CMA1: variants seen among roughly 807,000 people sequenced by gnomAD.
The protein encoded by CMA1 is chymase 1.
Under a neutral mutation model 18.8 loss-of-function variants are expected in CMA1, and 24 were observed. The observed-to-expected ratio is 1.28, with a 90% CI of 0.92 to 1.80. The LOEUF (loss-of-function observed/expected upper bound fraction) is 1.80. Among genes scored for constraint, CMA1 ranks in the 40% most tolerant of loss-of-function variants. CMA1 has a pLI of 0.00. For synonymous variants in CMA1, 152 were observed against 117.0 expected, an observed-to-expected ratio of 1.30 and a Z score of -1.93; for missense variants, 421 against 302.8, an observed-to-expected ratio of 1.39 and a Z score of -2.90.
rs933238215 is a variant in CMA1, at chr14:24,506,130, C to T, written c.498G>A (p.Lys166=). Residue 166 remains lysine, a synonymous_variant, in exon 4 of 5, where the codon AAG becomes AAA. Coordinates refer to ENST00000250378, the MANE Select transcript of CMA1 (RefSeq NM_001836.5). The part of the protein sequence containing the change: ...KPGSDTLQEV[K]LRLMDPQACS... ...AGGCCTGGGGATCCATGAGTCTCAG[C>T]TTCACCTCTTGCAGAGTGTCTGAGC... The T allele has an allele frequency of 6.2e-7, 1 of 1,614,208 alleles. No homozygotes were observed. Among genetic ancestry groups the T allele is most frequent in the African/African-American group, 1.3e-5 (1 of 75,054 alleles).
rs763151685 is a variant in CMA1 at position 24,505,641 on chromosome 14, G to T, written c.619C>A (p.Leu207Ile). ...CCCTGGGCCACCCCAGCACACAGAA[G>T]AGGGCCCCCAGAGTCTCCCTGTAGG... ...SAFKGDSGGP[L>I]LCAGVAQGIV... The change falls in exon 5 of 5, where the codon CTT (leucine) becomes ATT (isoleucine). Residue 207 changes from leucine to isoleucine, a missense_variant. Physicochemically the swap from Leu to Ile is conservative, Grantham distance 5 (BLOSUM62 2). Coordinates refer to ENST00000250378, the MANE Select transcript of CMA1 (RefSeq NM_001836.5). 29 of 1,612,438 alleles carry T rather than the reference G, an allele frequency of 1.8e-5. 2 individuals are homozygous for T. In the South Asian group the frequency reaches 2.9e-4, roughly 16 times the overall value.
chr14:24,505,481 C>A lies in CMA1; in HGVS notation c.*35G>T. 1.9e-6 allele frequency: 3 copies of A among 1,613,768 alleles called. No individual in the cohort carries two copies. The highest frequency in any genetic ancestry group is 2.5e-6 in the Non-Finnish European group (3 of 1,179,958). Reference sequence around the variant, plus strand: ...CACACTTTGCTGCTCAGGTCCAGTTCCAGCTTCCCTTTCAGGCTGGCTCAG... The same window carrying A: ...CACACTTTGCTGCTCAGGTCCAGTTACAGCTTCCCTTTCAGGCTGGCTCAG... On this transcript the variant is annotated 3_prime_UTR_variant, in exon 5 of 5. Coordinates refer to ENST00000250378, the MANE Select transcript of CMA1 (RefSeq NM_001836.5).
rs202117854 is a variant in CMA1 at position 24,506,065 on chromosome 14, C to A, written c.563G>T (p.Cys188Phe). 64 of 1,614,084 alleles carry A rather than the reference C, an allele frequency of 4.0e-5. No individual in the cohort carries two copies. The Admixed American group carries it at 1.0e-3, about 26-fold the overall frequency. ...TTTTGTCTTCCTGGGATTGCCCACA[C>A]ACAGCTGAAGATTGTGGTCAAAGTC... ...FRDFDHNLQL[C>F]VGNPRKTKSA... Residue 188 changes from cysteine to phenylalanine, a missense_variant, in exon 4 of 5, where the codon TGT becomes TTT. Cys to Phe is a radical substitution (Grantham distance 205). Coordinates refer to ENST00000250378, the MANE Select transcript of CMA1 (RefSeq NM_001836.5).
chr14:24,506,195 G>T lies in CMA1; in HGVS notation c.433C>A (p.Arg145=). 1.9e-6 allele frequency: 3 copies of T among 1,614,152 alleles called. No individual in the cohort carries two copies. Among genetic ancestry groups the T allele is most frequent in the African/African-American group, 2.7e-5 (2 of 75,024 alleles). The change falls in exon 4 of 5, where the codon CGG becomes AGG. Residue 145 remains arginine, a synonymous_variant. Coordinates refer to ENST00000250378, the MANE Select transcript of CMA1 (RefSeq NM_001836.5). ...FNFVPPGRMC[R]VAGWGRTGVL... is the part of the protein sequence containing the mutation. ...CCTGTTCTTCCCCAGCCAGCCACCC[G>T]GCACATTCTCCCAGGTGGGACAAAG...
chr14:24,507,013 C>T (rs990414896), intron 2 of CMA1, among the ~76,000 whole-genome samples: 4 of 152,114 alleles, frequency 2.6e-5, no homozygotes, highest in Admixed American at 6.6e-5. Flanking sequence ...GAACTAGAGG[C>T]CAGTGTTCTT....
Position 24,505,589 on chromosome 14 carries a change from G to A in CMA1, c.671C>T (p.Ala224Val), listed in dbSNP as rs1594786166. Residue 224 changes from alanine to valine, a missense_variant, in exon 5 of 5, where the codon GCA becomes GTA. By Grantham distance (64) the Ala-to-Val change is moderately conservative. Coordinates refer to ENST00000250378, the MANE Select transcript of CMA1 (RefSeq NM_001836.5). ...QGIVSYGRSD[A>V]KPPAVFTRIS... Reference sequence around the variant, plus strand: ...TCGGGTGAAGACAGCAGGGGGCTTTGCATCCGACCGTCCATAGGATACGAT... The same window carrying A: ...TCGGGTGAAGACAGCAGGGGGCTTTACATCCGACCGTCCATAGGATACGAT... The A allele has an allele frequency of 1.9e-6, 3 of 1,614,014 alleles. No homozygotes were observed. The highest frequency in any genetic ancestry group is 2.5e-6 in the Non-Finnish European group (3 of 1,180,004).
At position 24,506,167 on chromosome 14, in the gene CMA1, A is replaced by C; in HGVS notation, c.461T>G (p.Val154Gly). 6.2e-7 allele frequency: 1 copy of C among 1,614,146 alleles called. No individual in the cohort carries two copies. Residue 154 changes from valine (V) to glycine (G), a missense_variant, in exon 4 of 5, where the codon GTG becomes GGG. By Grantham distance (109) the Val-to-Gly change is moderately radical. Transcript: ENST00000250378. ...CAGAGTGTCTGAGCCCGGCTTCAAC[A>C]CACCTGTTCTTCCCCAGCCAGCCAC... ...CRVAGWGRTGVLKPGSDTLQE... is the reference protein window; with the variant it reads ...CRVAGWGRTGGLKPGSDTLQE...
At position 24,505,393 on chromosome 14, in the gene CMA1, A is replaced by G. The variant is rs897944929; in HGVS notation, c.*123T>C. On this transcript the variant is annotated 3_prime_UTR_variant, in exon 5 of 5. Coordinates refer to ENST00000250378, the MANE Select transcript of CMA1 (RefSeq NM_001836.5). ...GTTTATTGAGAGTTCTGTGACCTGTAGGATACTTCTGGAGGCTTAGGGTTG... is the reference window on the plus strand; with the variant it reads ...GTTTATTGAGAGTTCTGTGACCTGTGGGATACTTCTGGAGGCTTAGGGTTG... 29 of 1,254,458 alleles carry G rather than the reference A, an allele frequency of 2.3e-5. No individual in the cohort carries two copies. Among genetic ancestry groups the G allele is most frequent in the Non-Finnish European group, 3.1e-5 (27 of 867,598 alleles). The allele number at this position is 1,254,458 out of a possible 1,614,324, so 77.7% of individuals were successfully genotyped here. A position where few individuals can be genotyped will look rare whatever the true frequency, so the allele number is the denominator to read the frequency against.
In CMA1 at chr14:24,505,611, C is replaced by G. The variant is rs143164371; in HGVS notation, c.649G>C (p.Val217Leu). ...LLCAGVAQGI[V>L]SYGRSDAKPP... ...TTTGCATCCGACCGTCCATAGGATA[C>G]GATGCCCTGGGCCACCCCAGCACAC... is the stretch of plus-strand genomic sequence containing the variant. Residue 217 changes from valine to leucine, a missense_variant, in exon 5 of 5, where the codon GTA becomes CTA. Physicochemically the swap from Val to Leu is conservative, Grantham distance 32 (BLOSUM62 1). Coordinates refer to ENST00000250378, the MANE Select transcript of CMA1 (RefSeq NM_001836.5). 26 of 1,613,798 alleles carry G rather than the reference C, an allele frequency of 1.6e-5. No individual in the cohort carries two copies. The South Asian group carries it at 2.6e-4, about 16-fold the overall frequency.
rs760627071 is a variant in CMA1, at chr14:24,505,647, C to A, written c.613G>T (p.Gly205Cys). 2 of 1,610,774 alleles carry A rather than the reference C, an allele frequency of 1.2e-6. No homozygotes were observed. Among genetic ancestry groups the A allele is most frequent in the Non-Finnish European group, 1.7e-6 (2 of 1,178,622 alleles). The change falls in exon 5 of 5, where the codon GGC becomes TGC. Residue 205 changes from glycine to cysteine, a missense_variant. Gly to Cys is a radical substitution (Grantham distance 159, BLOSUM62 -3). Coordinates refer to ENST00000250378, the MANE Select transcript of CMA1 (RefSeq NM_001836.5). Reference sequence around the variant, plus strand: ...GCCACCCCAGCACACAGAAGAGGGCCCCCAGAGTCTCCCTGTAGGGGGAGG... The same window carrying A: ...GCCACCCCAGCACACAGAAGAGGGCACCCAGAGTCTCCCTGTAGGGGGAGG... The part of the protein sequence containing the change: ...TKSAFKGDSG[G>C]PLLCAGVAQG...
Position 24,508,227 on chromosome 14 carries a change from A to C in CMA1, c.9T>G (p.Leu3=). 6.2e-7 allele frequency: 1 copy of C among 1,613,684 alleles called. No homozygotes were observed. The highest frequency in any genetic ancestry group is 1.1e-5 in the South Asian group (1 of 90,922). The change falls in exon 1 of 5, where the codon CTT becomes CTG. Residue 3 remains leucine (L), a synonymous_variant. Transcript: ENST00000250378. ...GAAAGAGCAGCAGGGGGAGAGGAAG[A>C]AGCAGCATCTTCCCAGAGAGGCTGC... ML[L]LPLPLLLFLL... is the part of the protein sequence containing the mutation.
Position 24,505,782 on chromosome 14 carries a change from A to G in CMA1, c.601-123T>C, listed in dbSNP as rs778329149. On this transcript the variant is annotated intron_variant, in intron 4 of 4. Transcript: ENST00000250378. ...GCAGGAGGTGGAGCTCCTCACTTAT[A>G]CATCTAGTTCTGATGCCCCTTCTTC... 5 of 1,278,464 alleles carry G rather than the reference A, an allele frequency of 3.9e-6. No individual in the cohort carries two copies. In the South Asian group the frequency reaches 4.4e-5, roughly 11 times the overall value. The allele number at this position is 1,278,464 out of a possible 1,614,324, so 79.2% of individuals were successfully genotyped here.
chr14:24,507,288 G>T, intron 2 of CMA1, 68 bp downstream of exon 2: 1 of 1,574,876 alleles, frequency 6.3e-7, no homozygotes, highest in South Asian at 1.1e-5. Flanking sequence ...CCCAGTGCAG[G>T]TGTATTCCTG....
In CMA1 at chr14:24,506,184, G is replaced by C; in HGVS notation, c.444C>G (p.Gly148=). The change falls in exon 4 of 5, where the codon GGC becomes GGG. Residue 148 remains glycine, a synonymous_variant. Transcript: ENST00000250378. ...VPPGRMCRVA[G]WGRTGVLKPG... ...GCTTCAACACACCTGTTCTTCCCCA[G>C]CCAGCCACCCGGCACATTCTCCCAG... 1.2e-6 allele frequency: 2 copies of C among 1,614,162 alleles called. No individual in the cohort carries two copies. Among genetic ancestry groups the C allele is most frequent in the Non-Finnish European group, 1.7e-6 (2 of 1,180,034 alleles).
rs1462507754 is a variant in CMA1 at position 24,506,038 on chromosome 14, G to T, written c.590C>A (p.Ser197Tyr). 6.2e-7 allele frequency: 1 copy of T among 1,614,028 alleles called. No homozygotes were observed. The highest frequency in any genetic ancestry group is 8.5e-7 in the Non-Finnish European group (1 of 1,180,004). Residue 197 changes from serine to tyrosine, a missense_variant, in exon 4 of 5, where the codon TCT becomes TAT. Transcript: ENST00000250378. ...TAGTTGGAGGATCACCTTAAATGCA[G>T]ATTTTGTCTTCCTGGGATTGCCCAC... ...LCVGNPRKTK[S>Y]AFKGDSGGPL... is the part of the protein sequence containing the mutation.
intron 2 of CMA1, 44 bp from the exon 3 acceptor site, chr14:24,506,648 T>C (rs2043860086): frequency 1.2e-6 from 2 of 1,607,262 alleles, no homozygotes; most frequent in Non-Finnish European, 8.5e-7. Flanking sequence ...CAGTGATGGC[T>C]TGGGGTTTCT....
chr14:24,505,725 G>A, intron 4 of CMA1, 66 bp from the exon 5 acceptor site: 2 of 1,536,472 alleles, frequency 1.3e-6, no homozygotes, highest in Non-Finnish European at 1.7e-6. Context: ...CTGCCAGCCA[G>A]CTTGGAGTCA....
Position 24,505,421 on chromosome 14 carries a change from G to A in CMA1, c.*95C>T, listed in dbSNP as rs1030268531. 1.3e-6 allele frequency: 2 copies of A among 1,527,462 alleles called. No individual in the cohort carries two copies. Among genetic ancestry groups the A allele is most frequent in the Non-Finnish European group, 1.8e-6 (2 of 1,104,666 alleles). The allele number at this position is 1,527,462 out of a possible 1,614,324, so 94.6% of individuals were successfully genotyped here. ...ATACTTCTGGAGGCTTAGGGTTGTG[G>A]CTGAGGGACCAAGGGTAGACCAGAA... On this transcript the variant is annotated 3_prime_UTR_variant, in exon 5 of 5. Transcript: ENST00000250378.
Position 24,506,159 on chromosome 14 carries a change from G to T in CMA1, c.469C>A (p.Pro157Thr), listed in dbSNP as rs910401725. ...AGWGRTGVLK[P>T]GSDTLQEVKL... The stretch of plus-strand genomic sequence containing the variant: ...ACCTCTTGCAGAGTGTCTGAGCCCG[G>T]CTTCAACACACCTGTTCTTCCCCAG... The change falls in exon 4 of 5, where the codon CCG becomes ACG. Residue 157 changes from proline to threonine, a missense_variant. By Grantham distance (38) the Pro-to-Thr change is conservative (BLOSUM62 -1). Coordinates refer to ENST00000250378, the MANE Select transcript of CMA1 (RefSeq NM_001836.5). 3 of 1,614,202 alleles carry T rather than the reference G, an allele frequency of 1.9e-6. No homozygotes were observed. The highest frequency in any genetic ancestry group is 3.3e-5 in the Admixed American group (2 of 60,018).
Sources: allele counts gnomAD v4.1 joint callset (sites outside exome capture counted in the v4.1 genomes callset), GRCh38; gene constraint gnomAD v4.1.1; transcripts MANE v1.5; gene names NCBI Gene and HGNC (gene_info 2026-07-23, HGNC 2026-07-21).